The following SHQ1 variants were observed in gnomAD, a reference collection of about 807,000 sequenced individuals.
SHQ1 encodes SHQ1, H/ACA ribonucleoprotein assembly factor.
SHQ1 carries 49 observed loss-of-function variants against 53.8 expected under a neutral mutation model. That is an observed-to-expected ratio of 0.91 (90% confidence interval 0.72 to 1.16). The LOEUF is 1.16. SHQ1 is among the 50% of genes most tolerant of loss of function. The probability of loss-of-function intolerance (pLI) is 0.00; values close to 1 mark genes in which losing one functional copy is unlikely to be tolerated. For synonymous variants in SHQ1, 243 were observed against 251.0 expected (o/e 0.97, Z 0.30); for missense variants, 738 against 683.1 (o/e 1.08, Z -0.90).
intron 1 of SHQ1, among the ~76,000 whole-genome samples, chr3:72,847,918 G>A (rs1008739292): frequency 2.0e-5 from 3 of 152,090 alleles, no homozygotes; most frequent in Admixed American, 1.3e-4. Context: ...AGGGCGACAG[G>A]GCAGAAACGG....
At chr3:72,726,071 C>T in the SHQ1 span, among the ~76,000 whole-genome samples, 2 of 152,072 alleles carry the variant, frequency 1.3e-5, no homozygotes, top group African/African-American at 4.8e-5. Flanking sequence ...AGTTTGAGAC[C>T]AGCCTGAGAA....
At chr3:72,747,372 G>C (rs1343348014), downstream of SHQ1, among the ~76,000 whole-genome samples, 4 of 152,152 alleles carry the variant, frequency 2.6e-5, no homozygotes, top group African/African-American at 9.7e-5. Context: ...TCTCCCGTCA[G>C]ACATAACCAA....
At chr3:72,748,756 T>TA (rs2106693894), downstream of SHQ1, among the ~76,000 whole-genome samples, 1 of 151,700 alleles carries the variant, frequency 6.6e-6, no homozygotes, top group Non-Finnish European at 1.5e-5. Context: ...AAAAGAACTC[T>TA]AAAAAATCAC....
At chr3:72,765,542 TATATATA>T (rs1559662578) in intron 10 of SHQ1, among the ~76,000 whole-genome samples, 26 of 96,056 alleles carry the variant, frequency 2.7e-4, no homozygotes, top group African/African-American at 1.4e-3. Context: ...TATATATATA[TATATATA>T]TATATATATT....
the SHQ1 span, among the ~76,000 whole-genome samples, chr3:72,743,010 T>C: frequency 2.0e-5 from 3 of 152,330 alleles, no homozygotes; most frequent in Admixed American, 6.5e-5. Flanking sequence ...CTTCTACTTT[T>C]TGGCATTAAC....
In SHQ1 at chr3:72,750,129, T is replaced by C; in HGVS notation, c.*155A>G. The C allele has an allele frequency of 3.1e-6, 2 of 648,178 alleles. No homozygotes were observed. Among genetic ancestry groups the C allele is most frequent in the Non-Finnish European group, 5.2e-6 (2 of 381,872 alleles). 40.2% of individuals were successfully genotyped at this position (648,178 alleles called of 1,614,324 possible). A position where few individuals can be genotyped will look rare whatever the true frequency, so the allele number is the denominator to read the frequency against. On this transcript the variant is annotated 3_prime_UTR_variant, in exon 11 of 11. Transcript: ENST00000325599. ...GCGATTTTTTCTTCAATATTTTTGA[T>C]CTGCAGTTGGTTGAATCCACAGATG...
At chr3:72,832,730 A>C (rs1256864768) in intron 4 of SHQ1, among the ~76,000 whole-genome samples, 5 of 152,202 alleles carry the variant, frequency 3.3e-5, no homozygotes, top group Non-Finnish European at 5.9e-5. Flanking sequence ...ACAGATATTA[A>C]GGCTATAAAA....
chr3:72,753,696 T>C (rs1266288673), intron 10 of SHQ1: 1 of 909,878 alleles, frequency 1.1e-6, no homozygotes, highest in African/African-American at 1.8e-5. Context: ...CAAGGTGAGA[T>C]CCACTAGAGT....
intron 10 of SHQ1, among the ~76,000 whole-genome samples, chr3:72,781,590 T>C (rs997744277): frequency 5.3e-5 from 8 of 152,080 alleles, no homozygotes; most frequent in African/African-American, 1.9e-4. Context: ...GAAGAGACCA[T>C]ATCATCAGGA....
intron 10 of SHQ1, among the ~76,000 whole-genome samples, chr3:72,791,275 G>A (rs1706426675): frequency 6.6e-6 from 1 of 152,180 alleles, no homozygotes. Context: ...TGGCAGCAGG[G>A]TATTTGATAA....
intron 1 of SHQ1, among the ~76,000 whole-genome samples, chr3:72,847,480 A>C (rs1708379345): frequency 6.6e-6 from 1 of 152,220 alleles, no homozygotes; most frequent in South Asian, 2.1e-4. Context: ...ATACACCATC[A>C]TAAAGCACTT....
At chr3:72,782,149 G>C (rs556414678) in intron 10 of SHQ1, among the ~76,000 whole-genome samples, 1 of 152,080 alleles carries the variant, frequency 6.6e-6, no homozygotes, top group African/African-American at 2.4e-5. Flanking sequence ...TATGTGAAAA[G>C]GACAATAGAA....
chr3:72,753,286 A>T, intron 10 of SHQ1: 6 of 985,448 alleles, frequency 6.1e-6, no homozygotes, highest in Non-Finnish European at 7.2e-6. Flanking sequence ...TTACAAGATA[A>T]ATTCATTTGT....
At chr3:72,841,684 G>A (rs1326640547) in intron 3 of SHQ1, among the ~76,000 whole-genome samples, 1 of 152,184 alleles carries the variant, frequency 6.6e-6, no homozygotes, top group East Asian at 1.9e-4. Flanking sequence ...CCAGAGACCG[G>A]ATTTGTGGAA....
At chr3:72,792,813 A>AAAAAAAAT in intron 10 of SHQ1, 103 bp downstream of exon 10, 5 of 727,444 alleles carry the variant, frequency 6.9e-6, no homozygotes, top group East Asian at 6.8e-5. Flanking sequence ...AAAAAAAAAC[A>AAAAAAAAT]CAACTTACTC....
chr3:72,783,999 C>T (rs142479235), intron 10 of SHQ1, among the ~76,000 whole-genome samples: 11 of 151,956 alleles, frequency 7.2e-5, no homozygotes, highest in African/African-American at 2.2e-4. Context: ...CATCAATATT[C>T]GTTCATTAAT....
intron 9 of SHQ1, among the ~76,000 whole-genome samples, chr3:72,796,146 G>A (rs979148358): frequency 6.7e-6 from 1 of 150,174 alleles, no homozygotes. Context: ...AGAAAATGCA[G>A]GATTTGGAGA....
At chr3:72,788,015 G>A (rs1450447483) in intron 10 of SHQ1, among the ~76,000 whole-genome samples, 1 of 152,176 alleles carries the variant, frequency 6.6e-6, no homozygotes, top group East Asian at 1.9e-4. Flanking sequence ...CTCACTCAGT[G>A]CTCAATGTTG....
chr3:72,824,503 AT>A lies in SHQ1; in HGVS notation c.647del (p.Asn216IlefsTer11), dbSNP rs1707586588. The A allele has an allele frequency of 1.2e-6, 2 of 1,612,722 alleles. No homozygotes were observed. The highest frequency in any genetic ancestry group is 2.7e-5 in the African/African-American group (2 of 74,894). ...TTGAATATTTGTCAGTCCACCAAGGATTATACTTCAAAATCTGTTCAATCGC... is the reference window on the plus strand; with the variant it reads ...TTGAATATTTGTCAGTCCACCAAGGATATACTTCAAAATCTGTTCAATCGC... Reference protein sequence around the residue: ...DEAIEQILKYNPWWTDKYSKM... With the variant: ...DEAIEQILKYXPWWTDKYSKM... On this transcript the variant is annotated frameshift_variant, in exon 6 of 11. Coordinates refer to ENST00000325599, the MANE Select transcript of SHQ1 (RefSeq NM_018130.3). LOFTEE classifies it high-confidence loss of function.
Sources: gnomAD v4.1 joint callset for allele counts (sites outside exome capture counted in the v4.1 genomes callset) on GRCh38, gnomAD v4.1.1 for gene constraint, MANE v1.5 for transcripts, NCBI Gene and HGNC (gene_info 2026-07-23, HGNC 2026-07-21) for gene names.